ABLIM1: variants seen among roughly 807,000 people sequenced by gnomAD.
ABLIM1 encodes the protein actin-binding LIM protein 1.
In ABLIM1, 40 loss-of-function variants were observed where a neutral mutation model predicts 107.0. The observed-to-expected ratio is 0.37, with a 90% CI of 0.29 to 0.49. ABLIM1 has a LOEUF of 0.49. ABLIM1 is among the 20% of genes least tolerant of loss of function. ABLIM1 has a pLI of 0.97. For synonymous variants in ABLIM1, 357 were observed against 357.3 expected (o/e 1.00, Z 0.01); for missense variants, 857 against 1,008.5 (o/e 0.85, Z 2.04).
intron 1 of ABLIM1, among the ~76,000 whole-genome samples, chr10:114,643,889 T>G (rs562345263): frequency 2.6e-5 from 4 of 152,158 alleles, no homozygotes; most frequent in Admixed American, 1.3e-4. Context: ...ATCCAGATTC[T>G]TAGTGCAAGA....
chr10:114,507,156 A>C (rs551409912), intron 6 of ABLIM1, among the ~76,000 whole-genome samples: 1 of 152,228 alleles, frequency 6.6e-6, no homozygotes, highest in Non-Finnish European at 1.5e-5. Flanking sequence ...TTTTAAAAAC[A>C]TCCTTGTCTG....
In ABLIM1 at chr10:114,589,540, A is replaced by AAAG. The variant is rs1555191942; in HGVS notation, c.379+12286_379+12287insCTT. Among the ~76,000 whole-genome samples the AAAG allele has an allele frequency of 7.4e-5, 11 of 149,558 alleles. No individual in the cohort carries two copies. In the East Asian group the frequency reaches 1.2e-3, roughly 16 times the overall value. ...TGAGACTCTGTCTCAAAAAAAAAAA[A>AAAG]AGAGAGAGAGAGAGAGGGGCTTGGT... is the stretch of plus-strand genomic sequence containing the variant. On this transcript the variant is annotated intron_variant, in intron 2 of 22. Transcript: ENST00000533213.
upstream of ABLIM1, among the ~76,000 whole-genome samples, chr10:114,659,039 G>A (rs188144490): frequency 4.0e-4 from 61 of 152,200 alleles, no homozygotes; most frequent in East Asian, 8.7e-3. Context: ...AAATGTGACC[G>A]TCTACAACCA....
At chr10:114,552,116 A>G (rs749068991) in intron 4 of ABLIM1, among the ~76,000 whole-genome samples, 5 of 152,172 alleles carry the variant, frequency 3.3e-5, no homozygotes, top group Non-Finnish European at 5.9e-5. Flanking sequence ...GTATTCTGGT[A>G]TATTTCACAG....
At chr10:114,588,433 G>C (rs148896208) in intron 2 of ABLIM1, among the ~76,000 whole-genome samples, 2 of 150,066 alleles carry the variant, frequency 1.3e-5, no homozygotes, top group African/African-American at 2.5e-5. Flanking sequence ...CCTTTATCTA[G>C]ATGGAACGGA....
At chr10:114,483,181 C>T (rs746081776) in intron 8 of ABLIM1, among the ~76,000 whole-genome samples, 82 of 152,320 alleles carry the variant, frequency 5.4e-4, no homozygotes, top group Non-Finnish European at 3.2e-4. Flanking sequence ...CAACGCAAGG[C>T]ACTGAGGCCT....
intron 1 of ABLIM1, chr10:114,613,633 A>G: frequency 7.7e-7 from 1 of 1,304,524 alleles, no homozygotes; most frequent in Non-Finnish European, 1.0e-6. Flanking sequence ...TGCACTGTGA[A>G]TAAAGACACA....
chr10:114,465,290 G>A (rs940919494), intron 12 of ABLIM1, among the ~76,000 whole-genome samples: 1 of 151,930 alleles, frequency 6.6e-6, no homozygotes, highest in African/African-American at 2.4e-5. Flanking sequence ...CCTAGATAAG[G>A]GAAACATAAT....
intron 1 of ABLIM1, among the ~76,000 whole-genome samples, chr10:114,727,250 A>G (rs2081979274): frequency 6.6e-6 from 1 of 152,252 alleles, no homozygotes; most frequent in South Asian, 2.1e-4. Context: ...GTTTCACCTT[A>G]GGAACTATTC....
chr10:114,554,428 T>C (rs1285764939), intron 4 of ABLIM1, among the ~76,000 whole-genome samples: 2 of 152,190 alleles, frequency 1.3e-5, no homozygotes, highest in Admixed American at 6.5e-5. Flanking sequence ...GCACAGTGGC[T>C]CACACCTTAA....
chr10:114,599,246 CA>C (rs2075754582), intron 2 of ABLIM1, among the ~76,000 whole-genome samples: 1 of 152,200 alleles, frequency 6.6e-6, no homozygotes, highest in Admixed American at 6.5e-5. Flanking sequence ...TTAATTTAAA[CA>C]AAAACTCAAC....
At chr10:114,640,459 G>T (rs774047269) in intron 1 of ABLIM1, among the ~76,000 whole-genome samples, 1 of 152,114 alleles carries the variant, frequency 6.6e-6, no homozygotes, top group Admixed American at 6.5e-5. Context: ...CCCAGTAGGC[G>T]GAGGCTGCAG....
chr10:114,506,520 A>G (rs2061168702), intron 6 of ABLIM1, among the ~76,000 whole-genome samples: 1 of 152,146 alleles, frequency 6.6e-6, no homozygotes, highest in Non-Finnish European at 1.5e-5. Context: ...CTTCACCAAC[A>G]TCTGTTTTCT....
At chr10:114,543,924 C>T (rs2066998248) in intron 6 of ABLIM1, among the ~76,000 whole-genome samples, 1 of 152,212 alleles carries the variant, frequency 6.6e-6, no homozygotes, top group Non-Finnish European at 1.5e-5. Context: ...ATGCAATCAG[C>T]TGCCCACGTC....
intron 4 of ABLIM1, among the ~76,000 whole-genome samples, chr10:114,554,273 T>C (rs2068447117): frequency 6.6e-6 from 1 of 152,136 alleles, no homozygotes; most frequent in South Asian, 2.1e-4. Context: ...CCAGCCTCAT[T>C]GCCGGTCTCC....
intron 1 of ABLIM1, among the ~76,000 whole-genome samples, chr10:114,752,889 T>C (rs1039424132): frequency 4.6e-5 from 7 of 152,234 alleles, no homozygotes; most frequent in African/African-American, 1.7e-4. Flanking sequence ...TGAATAGTGC[T>C]GCAATGAATA....
intron 5 of ABLIM1, among the ~76,000 whole-genome samples, chr10:114,545,375 C>A (rs1270988475): frequency 6.6e-6 from 1 of 152,190 alleles, no homozygotes; most frequent in Non-Finnish European, 1.5e-5. Flanking sequence ...TGTCTCAGAG[C>A]TAACTAGCAG....
At chr10:114,799,948 G>C in the ABLIM1 span, among the ~76,000 whole-genome samples, 5 of 152,206 alleles carry the variant, frequency 3.3e-5, no homozygotes, top group South Asian at 6.2e-4. Context: ...ACTAATCTTC[G>C]TATTTTTGTA....
Position 114,612,837 on chromosome 10 carries a change from CAG to C in ABLIM1, c.245-10878_245-10877del, listed in dbSNP as rs370120852. On this transcript the variant is annotated intron_variant, in intron 1 of 22. Transcript: ENST00000533213. Reference sequence around the variant, plus strand: ...AGAAATACAAGTTAAGAGAGAGGGTCAGAGTCTATTGTCACATGGCCTAGGGT... The same window carrying C: ...AGAAATACAAGTTAAGAGAGAGGGTCAGTCTATTGTCACATGGCCTAGGGT... Among the ~76,000 whole-genome samples the C allele has an allele frequency of 5.6e-4, 86 of 152,322 alleles. 2 individuals are homozygous for C. The East Asian group carries it at 0.015, about 27-fold the overall frequency.
Sources: allele counts gnomAD v4.1 joint callset (sites outside exome capture counted in the v4.1 genomes callset), GRCh38; gene constraint gnomAD v4.1.1; transcripts MANE v1.5; gene names NCBI Gene and HGNC (gene_info 2026-07-23, HGNC 2026-07-21).